The following CDKAL1 variants were observed in gnomAD, a reference collection of about 807,000 sequenced individuals.
CDKAL1 encodes threonylcarbamoyladenosine tRNA methylthiotransferase.
In CDKAL1, 32 loss-of-function variants were observed where a neutral mutation model predicts 68.2. The observed-to-expected ratio is 0.47, with a 90% CI of 0.35 to 0.63. The LOEUF (loss-of-function observed/expected upper bound fraction) is 0.63, where lower values mean the gene tolerates loss of function less well. Among genes scored for constraint, CDKAL1 ranks in the 30% least tolerant of loss-of-function variants. The probability of loss-of-function intolerance (pLI) is 0.00; values close to 1 mark genes in which losing one functional copy is unlikely to be tolerated. For synonymous variants in CDKAL1, 234 were observed against 244.3 expected (o/e 0.96, Z 0.39); for missense variants, 606 against 696.7 (o/e 0.87, Z 1.47).
At chr6:20,542,925 C>T (rs1202076223) in intron 2 of CDKAL1, among the ~76,000 whole-genome samples, 1 of 152,188 alleles carries the variant, frequency 6.6e-6, no homozygotes, top group South Asian at 2.1e-4. Flanking sequence ...CAGAATGTAA[C>T]CTTTTGGGAT....
chr6:21,047,262 T>G (rs571530202), intron 11 of CDKAL1, among the ~76,000 whole-genome samples: 4 of 151,988 alleles, frequency 2.6e-5, no homozygotes, highest in Admixed American at 6.5e-5. Context: ...CAGCTTCTCT[T>G]TGGAGAAAGG....
At chr6:20,679,972 T>A (rs1040069830) in intron 5 of CDKAL1, among the ~76,000 whole-genome samples, 5 of 151,962 alleles carry the variant, frequency 3.3e-5, no homozygotes, top group Non-Finnish European at 2.9e-5. Context: ...ATTTCTTTTT[T>A]AAAATTTTTT....
At position 20,985,180 on chromosome 6, in the gene CDKAL1, CAG is replaced by C. The variant is rs575869946; in HGVS notation, c.910-15046_910-15045del. On this transcript the variant is annotated intron_variant, in intron 10 of 15. Coordinates refer to ENST00000274695, the MANE Select transcript of CDKAL1 (RefSeq NM_017774.3). ...ATATGTATGTTGCATAATGATCAAA[CAG>C]GGTATTTAGCTTGAACATCACTTTA... is the stretch of plus-strand genomic sequence containing the variant. Among the ~76,000 whole-genome samples, 452 of 152,236 alleles carry C rather than the reference CAG, an allele frequency of 3.0e-3. 5 individuals carry two copies. The highest frequency in any genetic ancestry group is 9.3e-3 in the African/African-American group (387 of 41,542).
intron 13 of CDKAL1, among the ~76,000 whole-genome samples, chr6:21,152,601 A>G (rs575996832): frequency 1.3e-5 from 2 of 152,346 alleles, no homozygotes; most frequent in East Asian, 1.9e-4. Flanking sequence ...CTCGTAGTCT[A>G]TGCTATTTCT....
intron 9 of CDKAL1, among the ~76,000 whole-genome samples, chr6:20,896,226 G>A (rs963603538): frequency 2.7e-5 from 4 of 149,900 alleles, no homozygotes; most frequent in African/African-American, 4.9e-5. Context: ...TCAGCCTCCC[G>A]AGTAGCTGAG....
intron 5 of CDKAL1, among the ~76,000 whole-genome samples, chr6:20,719,000 CTT>C (rs1266624222): frequency 6.6e-6 from 1 of 152,142 alleles, no homozygotes; most frequent in Non-Finnish European, 1.5e-5. Flanking sequence ...TTTCATGTAA[CTT>C]GTGAGAAAAT....
intron 9 of CDKAL1, among the ~76,000 whole-genome samples, chr6:20,876,090 A>T (rs1760498825): frequency 6.6e-6 from 1 of 152,242 alleles, no homozygotes; most frequent in African/African-American, 2.4e-5. Context: ...ATAAATTAAA[A>T]TGTAGGCAGT....
chr6:20,727,259 G>A (rs1221106346), intron 5 of CDKAL1, among the ~76,000 whole-genome samples: 5 of 152,096 alleles, frequency 3.3e-5, no homozygotes, highest in Non-Finnish European at 7.4e-5. Context: ...GAGGAAAAAA[G>A]CTCTTCCACT....
chr6:20,682,020 G>A (rs1770400200), intron 5 of CDKAL1, among the ~76,000 whole-genome samples: 1 of 152,232 alleles, frequency 6.6e-6, no homozygotes, highest in Admixed American at 6.5e-5. Context: ...GGGCAAGGCA[G>A]CTAGCTTTAT....
intron 10 of CDKAL1, among the ~76,000 whole-genome samples, chr6:20,985,575 G>A (rs146594444): frequency 9.2e-5 from 14 of 152,268 alleles, no homozygotes; most frequent in Non-Finnish European, 1.8e-4. Context: ...GATTATAGGC[G>A]TGGGCCACTG....
At chr6:20,916,047 A>G (rs775377273) in intron 9 of CDKAL1, among the ~76,000 whole-genome samples, 10 of 152,220 alleles carry the variant, frequency 6.6e-5, no homozygotes, top group African/African-American at 9.6e-5. Flanking sequence ...AATAAAGGCT[A>G]TAAAGGGATA....
chr6:20,941,652 C>T (rs1472947587), intron 9 of CDKAL1, among the ~76,000 whole-genome samples: 1 of 152,088 alleles, frequency 6.6e-6, no homozygotes, highest in Admixed American at 6.5e-5. Flanking sequence ...TTTTAGTGAA[C>T]GATGGTGATA....
At chr6:21,143,614 G>C (rs1183309115) in intron 13 of CDKAL1, among the ~76,000 whole-genome samples, 2 of 152,048 alleles carry the variant, frequency 1.3e-5, no homozygotes, top group African/African-American at 4.8e-5. Context: ...AGATGTTTCA[G>C]TTTCCTAGTG....
At position 21,119,458 on chromosome 6, in the gene CDKAL1, A is replaced by G. The variant is rs191905229; in HGVS notation, c.1299+10995A>G. ...GTAGGGATTTTGTCTATTTTGTTCA[A>G]TGTTTCCTCAACACCCAAAGCAGTT... On this transcript the variant is annotated intron_variant, in intron 13 of 15. Transcript: ENST00000274695. 2.0e-4 allele frequency among the ~76,000 whole-genome samples: 30 copies of G among 152,286 alleles called. No individual in the cohort carries two copies. In the East Asian group the frequency reaches 2.9e-3, roughly 15 times the overall value.
intron 9 of CDKAL1, among the ~76,000 whole-genome samples, chr6:20,878,735 C>CATGA (rs1760662870): frequency 6.7e-6 from 1 of 150,184 alleles, no homozygotes; most frequent in South Asian, 2.1e-4. Context: ...GACTCTGTCT[C>CATGA]ATAAATAAAT....
At chr6:20,802,065 C>T (rs1441639452) in intron 8 of CDKAL1, among the ~76,000 whole-genome samples, 10 of 151,860 alleles carry the variant, frequency 6.6e-5, no homozygotes, top group Non-Finnish European at 1.0e-4. Flanking sequence ...TTTGGGAGGC[C>T]GAGGTGGGCG....
At chr6:21,212,980 C>T (rs1415170764) in intron 15 of CDKAL1, among the ~76,000 whole-genome samples, 1 of 152,160 alleles carries the variant, frequency 6.6e-6, no homozygotes, top group Non-Finnish European at 1.5e-5. Context: ...ATTCAAAAGG[C>T]AATAAAGGCA....
At chr6:20,587,515 T>C (rs912607827) in intron 4 of CDKAL1, among the ~76,000 whole-genome samples, 3 of 151,850 alleles carry the variant, frequency 2.0e-5, no homozygotes, top group Non-Finnish European at 4.4e-5. Context: ...GGAGGATCGC[T>C]TTAGCCCAGG....
chr6:21,208,892 G>A (rs9368288), intron 15 of CDKAL1, among the ~76,000 whole-genome samples: 21,707 of 152,024 alleles, frequency 0.14, 1,626 homozygotes, highest in East Asian at 0.22. Flanking sequence ...AATACCTTCC[G>A]TGTACCAATT....
Sources: allele counts gnomAD v4.1 joint callset (sites outside exome capture counted in the v4.1 genomes callset), GRCh38; gene constraint gnomAD v4.1.1; transcripts MANE v1.5; gene names NCBI Gene and HGNC (gene_info 2026-07-23, HGNC 2026-07-21).